SPAG16: variants seen among roughly 807,000 people sequenced by gnomAD.
The protein encoded by SPAG16 is sperm-associated antigen 16 protein.
SPAG16 carries 86 observed loss-of-function variants against 80.4 expected under a neutral mutation model. The observed-to-expected ratio is 1.07, with a 90% CI of 0.90 to 1.28. The LOEUF is 1.28. SPAG16 is among the 50% of genes most tolerant of loss of function. The pLI is 0.00. For missense variants in SPAG16, 870 were observed against 765.3 expected (o/e 1.14, Z -1.61); for synonymous variants, 294 against 265.9 (o/e 1.11, Z -1.03).
chr2:214,392,001 C>A (rs1308224081), intron 15 of SPAG16, among the ~76,000 whole-genome samples: 1 of 152,126 alleles, frequency 6.6e-6, no homozygotes, highest in African/African-American at 2.4e-5. Context: ...AGAATTCTGT[C>A]CATCTTTCCC....
In SPAG16 at chr2:213,344,295, C is replaced by G. The variant is rs191389877; in HGVS notation, c.644+4025C>G. 3.9e-5 allele frequency among the ~76,000 whole-genome samples: 6 copies of G among 152,240 alleles called. No individual in the cohort carries two copies. The East Asian group carries it at 1.2e-3, about 29-fold the overall frequency. ...CTACTGTCTGCCAGGGTAGCTCCAG[C>G]ATTTCCACTTCACAGCGTTGGCTAT... On this transcript the variant is annotated intron_variant, in intron 6 of 15. Transcript: ENST00000331683.
At chr2:214,276,301 G>T (rs575646076) in intron 15 of SPAG16, among the ~76,000 whole-genome samples, 10 of 152,250 alleles carry the variant, frequency 6.6e-5, no homozygotes, top group African/African-American at 2.2e-4. Flanking sequence ...TACATTTAGG[G>T]TTAATATTGT....
intron 11 of SPAG16, among the ~76,000 whole-genome samples, chr2:213,926,813 T>C (rs1424944670): frequency 1.3e-5 from 2 of 152,234 alleles, no homozygotes; most frequent in Admixed American, 1.3e-4. Flanking sequence ...TTTCCCATTA[T>C]GTGTTTGAGA....
At chr2:213,303,979 G>A (rs1387353796) in intron 3 of SPAG16, among the ~76,000 whole-genome samples, 1 of 152,028 alleles carries the variant, frequency 6.6e-6, no homozygotes, top group Admixed American at 6.6e-5. Context: ...TATAGTGGTT[G>A]TACTAATTTA....
At chr2:214,335,644 A>T (rs6744356) in intron 15 of SPAG16, among the ~76,000 whole-genome samples, 1 of 151,756 alleles carries the variant, frequency 6.6e-6, no homozygotes, top group African/African-American at 2.4e-5. Context: ...TAAGCACTAA[A>T]CTTGGATTTA....
chr2:213,886,409 A>G (rs540670583), intron 11 of SPAG16, among the ~76,000 whole-genome samples: 1 of 152,058 alleles, frequency 6.6e-6, no homozygotes, highest in Non-Finnish European at 1.5e-5. Flanking sequence ...AGGGGCATTA[A>G]GCAGGAATAG....
chr2:213,931,126 A>C (rs2106249513), intron 12 of SPAG16, among the ~76,000 whole-genome samples: 2 of 152,242 alleles, frequency 1.3e-5, no homozygotes, highest in South Asian at 4.1e-4. Context: ...TTAGTTAGCA[A>C]CTTTATTCAG....
intron 9 of SPAG16, among the ~76,000 whole-genome samples, chr2:213,392,746 C>G (rs1253309383): frequency 6.6e-6 from 1 of 151,686 alleles, no homozygotes; most frequent in Non-Finnish European, 1.5e-5. Context: ...ACTCGGGAGG[C>G]TGAAGCAGAG....
chr2:214,020,884 C>A (rs2047829336), intron 13 of SPAG16, among the ~76,000 whole-genome samples: 2 of 152,134 alleles, frequency 1.3e-5, no homozygotes. Flanking sequence ...TTAAAGGTTA[C>A]TGCCCTTATG....
At chr2:213,435,539 TAAG>T (rs1440607188) in intron 9 of SPAG16, among the ~76,000 whole-genome samples, 3 of 152,146 alleles carry the variant, frequency 2.0e-5, no homozygotes, top group African/African-American at 4.8e-5. Context: ...TTTATACAAA[TAAG>T]AAGAGAAAAT....
At chr2:214,386,052 T>C (rs1316493571) in intron 15 of SPAG16, among the ~76,000 whole-genome samples, 10 of 152,034 alleles carry the variant, frequency 6.6e-5, no homozygotes, top group South Asian at 2.1e-4. Flanking sequence ...CTGCCTTTTA[T>C]AATAACCACC....
At chr2:213,634,996 G>A (rs185594320) in intron 10 of SPAG16, among the ~76,000 whole-genome samples, 3 of 149,374 alleles carry the variant, frequency 2.0e-5, no homozygotes, top group South Asian at 2.1e-4. Flanking sequence ...TTATCCTCTT[G>A]TTGATTTATG....
chr2:213,361,771 A>G lies in SPAG16; in HGVS notation c.763-2305A>G, dbSNP rs563450590. ...GGATCCCCAACTAAATTTGATTTGG[A>G]TATTCAGACTGATAATGCCACACAC... On this transcript the variant is annotated intron_variant, in intron 7 of 15. Transcript: ENST00000331683. Among the ~76,000 whole-genome samples, 110 of 148,524 alleles carry G rather than the reference A, an allele frequency of 7.4e-4. 3 individuals carry two copies. The South Asian group carries it at 0.023, about 31-fold the overall frequency.
chr2:213,845,449 G>T (rs11898203), intron 10 of SPAG16, among the ~76,000 whole-genome samples: 53,848 of 151,868 alleles, frequency 0.35, 10,113 homozygotes, highest in East Asian at 0.53. Context: ...ACCCTCTTCG[G>T]CCTCCCAAAG....
Position 213,488,341 on chromosome 2 carries a change from T to C in SPAG16, c.943-1622T>C, listed in dbSNP as rs149506747. Reference sequence around the variant, plus strand: ...AGCAGTATAATTGGTACAGCTTTTCTAAAAAGCAGTCTGTGAAAAGGTATC... The same window carrying C: ...AGCAGTATAATTGGTACAGCTTTTCCAAAAAGCAGTCTGTGAAAAGGTATC... On this transcript the variant is annotated intron_variant, in intron 9 of 15. Coordinates refer to ENST00000331683, the MANE Select transcript of SPAG16 (RefSeq NM_024532.5). Among the ~76,000 whole-genome samples the C allele has an allele frequency of 4.3e-3, 656 of 152,304 alleles. 5 individuals carry two copies. The highest frequency in any genetic ancestry group is 0.015 in the African/African-American group (605 of 41,536).
At chr2:214,020,454 C>T (rs965774924) in intron 13 of SPAG16, among the ~76,000 whole-genome samples, 1 of 151,562 alleles carries the variant, frequency 6.6e-6, no homozygotes, top group Non-Finnish European at 1.5e-5. Context: ...TTGTTTCTGA[C>T]CAAAAAATAA....
chr2:213,448,038 C>A (rs770258970), intron 9 of SPAG16, among the ~76,000 whole-genome samples: 1 of 152,350 alleles, frequency 6.6e-6, no homozygotes, highest in African/African-American at 2.4e-5. Flanking sequence ...TTACACCAAT[C>A]TGTTCAAATG....
intron 11 of SPAG16, among the ~76,000 whole-genome samples, chr2:213,913,710 T>C (rs2077813067): frequency 6.6e-6 from 1 of 151,840 alleles, no homozygotes; most frequent in Admixed American, 6.6e-5. Context: ...TGTGTATGCA[T>C]ATATATACAA....
chr2:214,094,894 C>T (rs2052478637), intron 13 of SPAG16, among the ~76,000 whole-genome samples: 1 of 151,984 alleles, frequency 6.6e-6, no homozygotes, highest in African/African-American at 2.4e-5. Flanking sequence ...ATCATCCACA[C>T]CTGGATCTAG....
Sources: gnomAD v4.1 joint callset for allele counts (sites outside exome capture counted in the v4.1 genomes callset) on GRCh38, gnomAD v4.1.1 for gene constraint, MANE v1.5 for transcripts, NCBI Gene and HGNC (gene_info 2026-07-23, HGNC 2026-07-21) for gene names.